Variants in EFCAB7 observed in about 807,000 individuals in gnomAD.
EFCAB7 encodes the protein EF-hand calcium-binding domain-containing protein 7.
In EFCAB7, 66 loss-of-function variants were observed where a neutral mutation model predicts 77.1. The ratio of observed to expected loss-of-function variants is 0.86; its 90% CI spans 0.70 to 1.05. The LOEUF is 1.05. Among genes scored for constraint, EFCAB7 ranks in the 50% least tolerant of loss-of-function variants. The pLI is 0.00. For missense variants in EFCAB7, 638 were observed against 730.5 expected, an observed-to-expected ratio of 0.87 and a Z score of 1.46; for synonymous variants, 225 against 243.3, an observed-to-expected ratio of 0.92 and a Z score of 0.70.
chr1:63,572,793 AAG>A (rs1156605187), downstream of EFCAB7: 3 of 526,408 alleles, frequency 5.7e-6, no homozygotes, highest in Non-Finnish European at 4.9e-6. Context: ...TGAGTCCGAA[AAG>A]AGAGTCAGCA....
At chr1:63,557,048 A>C (rs1411745069) in intron 9 of EFCAB7, 66 bp from the exon 10 acceptor site, 7 of 1,387,142 alleles carry the variant, frequency 5.0e-6, no homozygotes, top group East Asian at 5.3e-5. Context: ...AAAAAAAAAA[A>C]AAAAACCCTT....
chr1:63,566,774 A>G (rs933580293), intron 11 of EFCAB7, among the ~76,000 whole-genome samples: 13 of 151,416 alleles, frequency 8.6e-5, no homozygotes, highest in Admixed American at 3.9e-4. Flanking sequence ...TTTTAGTCCA[A>G]TGATTTTTCA....
chr1:63,534,027 G>A (rs1646732487), intron 5 of EFCAB7, 68 bp from the exon 6 acceptor site: 3 of 1,570,336 alleles, frequency 1.9e-6, no homozygotes, highest in African/African-American at 2.7e-5. Flanking sequence ...ATACTGCACT[G>A]TGTTTGGAAA....
downstream of EFCAB7, among the ~76,000 whole-genome samples, chr1:63,573,601 A>G (rs1647328472): frequency 6.6e-6 from 1 of 152,208 alleles, no homozygotes; most frequent in South Asian, 2.1e-4. Flanking sequence ...GGCAGTGTAA[A>G]CAAGAGTAGG....
Position 63,551,725 on chromosome 1 carries a change from GA to G in EFCAB7, c.951del (p.Lys317AsnfsTer44). ...TTTGGGCTTTTTTTTTTGTTTGTAG[GA>G]AAACCATCCCCTTGGTTATCCGTTG... is the stretch of plus-strand genomic sequence containing the variant. The part of the protein sequence containing the change: ...IKPLNLSQVE[G>X]KPSPWLSVDT... On this transcript the variant is annotated frameshift_variant and splice_region_variant, in exon 8 of 14. Coordinates refer to ENST00000371088, the MANE Select transcript of EFCAB7 (RefSeq NM_032437.4). LOFTEE classifies it high-confidence loss of function. The G allele has an allele frequency of 6.7e-7, 1 of 1,502,300 alleles. No homozygotes were observed. Among genetic ancestry groups the G allele is most frequent in the Non-Finnish European group, 8.9e-7 (1 of 1,123,532 alleles). The allele number at this position is 1,502,300 out of a possible 1,614,324, so 93.1% of individuals were successfully genotyped here. A position where few individuals can be genotyped will look rare whatever the true frequency, so the allele number is the denominator to read the frequency against.
At chr1:63,565,289 A>T (rs1647156651) in intron 11 of EFCAB7, among the ~76,000 whole-genome samples, 3 of 151,900 alleles carry the variant, frequency 2.0e-5, no homozygotes, top group African/African-American at 7.3e-5. Context: ...AACCCGGGAG[A>T]CAGAGCTTGC....
chr1:63,577,624 C>T (rs1190192481), downstream of EFCAB7, among the ~76,000 whole-genome samples: 2 of 152,068 alleles, frequency 1.3e-5, no homozygotes, highest in Non-Finnish European at 2.9e-5. Flanking sequence ...GGGAATAGTA[C>T]ACAGGGACAT....
chr1:63,552,690 C>T (rs1646980741), intron 8 of EFCAB7, among the ~76,000 whole-genome samples: 1 of 152,154 alleles, frequency 6.6e-6, no homozygotes, highest in Admixed American at 6.5e-5. Context: ...CAAAATACAT[C>T]TGCTACACAA....
downstream of EFCAB7, among the ~76,000 whole-genome samples, chr1:63,575,658 A>G (rs892171941): frequency 2.6e-5 from 4 of 151,962 alleles, no homozygotes; most frequent in Admixed American, 1.3e-4. Flanking sequence ...CTCTCAGCTC[A>G]CTGCAGCCTT....
chr1:63,563,918 T>C (rs1331776610), intron 11 of EFCAB7, among the ~76,000 whole-genome samples: 1 of 152,174 alleles, frequency 6.6e-6, no homozygotes, highest in Non-Finnish European at 1.5e-5. Context: ...GTTGCTCTTT[T>C]ACTGAATTTG....
chr1:63,575,499 TCTGCA>T (rs1222023436), downstream of EFCAB7, among the ~76,000 whole-genome samples: 1 of 152,220 alleles, frequency 6.6e-6, no homozygotes, highest in Non-Finnish European at 1.5e-5. Flanking sequence ...ATTATATTTC[TCTGCA>T]CTGTGTTAGG....
chr1:63,530,373 A>G (rs1646674822), intron 2 of EFCAB7, among the ~76,000 whole-genome samples: 1 of 152,214 alleles, frequency 6.6e-6, no homozygotes, highest in African/African-American at 2.4e-5. Flanking sequence ...ATTCAGGACA[A>G]TTGTATCTTT....
At chr1:63,555,322 A>G in intron 8 of EFCAB7, 36 bp from the exon 9 acceptor site, 1 of 1,575,722 alleles carries the variant, frequency 6.3e-7, no homozygotes, top group East Asian at 2.2e-5. Flanking sequence ...AAAGATTAAG[A>G]CTGATGATTG....
Position 63,557,120 on chromosome 1 carries a change from T to C in EFCAB7, c.1221T>C (p.Thr407=). 1 of 1,582,388 alleles carries C rather than the reference T, an allele frequency of 6.3e-7. No individual in the cohort carries two copies. Among genetic ancestry groups the C allele is most frequent in the East Asian group, 2.3e-5 (1 of 44,166 alleles). ...ELFLTKEFKS[T]LSDIFEVIDL... is the part of the protein sequence containing the mutation. ...GCTATTTTTATAATTTTAGGTCTAC[T>C]TTATCAGATATATTTGAAGTAATTG... Residue 407 remains threonine, a synonymous_variant, in exon 10 of 14, where the codon ACT becomes ACC. Transcript: ENST00000371088.
At position 63,561,719 on chromosome 1, in the gene EFCAB7, T is replaced by A; in HGVS notation, c.1359T>A (p.Asp453Glu). Residue 453 changes from aspartate to glutamate, a missense_variant, in exon 11 of 14, where the codon GAT (aspartate) becomes GAA (glutamate). Asp to Glu is a conservative substitution (Grantham distance 45). Transcript: ENST00000371088. The part of the protein sequence containing the change: ...DAWAVCRENF[D>E]TKRNELTRQG... The stretch of plus-strand genomic sequence containing the variant: ...TGGTTGTTTAAACAGAGAATTTTGA[T>A]ACAAAGAGGAATGAACTAACAAGAC... 6.3e-7 allele frequency: 1 copy of A among 1,583,634 alleles called. No individual in the cohort carries two copies. The highest frequency in any genetic ancestry group is 1.4e-5 in the African/African-American group (1 of 73,750).
chr1:63,574,320 T>G (rs933507521), downstream of EFCAB7, among the ~76,000 whole-genome samples: 1 of 152,066 alleles, frequency 6.6e-6, no homozygotes, highest in Non-Finnish European at 1.5e-5. Context: ...GTAACCTACA[T>G]GGAAGAGGTT....
chr1:63,532,570 A>G, intron 3 of EFCAB7, 100 bp from the exon 4 acceptor site: 1 of 766,866 alleles, frequency 1.3e-6, no homozygotes, highest in Non-Finnish European at 2.1e-6. Context: ...ATACATTCAG[A>G]CTTACTTGTG....
intron 7 of EFCAB7, chr1:63,549,585 T>G (rs1557680599): frequency 2.3e-6 from 1 of 440,428 alleles, no homozygotes. Context: ...TGACCTAAAC[T>G]TTTGAGACAG....
At chr1:63,528,087 A>C (rs1646628149) in intron 2 of EFCAB7, 1 of 152,356 alleles carries the variant, frequency 6.6e-6, no homozygotes. Context: ...GTATATATCC[A>C]AAAGGAAATC....
Sources: allele counts gnomAD v4.1 joint callset (sites outside exome capture counted in the v4.1 genomes callset), GRCh38; gene constraint gnomAD v4.1.1; transcripts MANE v1.5; gene names NCBI Gene and HGNC (gene_info 2026-07-23, HGNC 2026-07-21).